Variants in MAP7 observed in about 807,000 individuals in gnomAD.
The protein encoded by MAP7 is microtubule associated protein 7, also known as ensconsin.
A neutral mutation model predicts 94.8 loss-of-function variants in MAP7; 52 were observed. The observed-to-expected ratio is 0.55, with a 90% CI of 0.44 to 0.69. The LOEUF (loss-of-function observed/expected upper bound fraction) is 0.69. Among genes scored for constraint, MAP7 ranks in the 30% least tolerant of loss-of-function variants. MAP7 has a pLI of 0.00. For missense variants in MAP7, 940 were observed against 964.6 expected (o/e 0.97, Z 0.34); for synonymous variants, 350 against 357.0 (o/e 0.98, Z 0.22).
chr6:136,400,220 TC>T (rs1783680749), intron 3 of MAP7, among the ~76,000 whole-genome samples: 1 of 151,952 alleles, frequency 6.6e-6, no homozygotes, highest in Admixed American at 6.6e-5. Context: ...ATCGAGACCA[TC>T]CTGGCTAACA....
chr6:136,419,545 T>C (rs999606483), intron 2 of MAP7, among the ~76,000 whole-genome samples: 4 of 152,168 alleles, frequency 2.6e-5, no homozygotes, highest in African/African-American at 9.6e-5. Context: ...CCTCTTTTTA[T>C]AGTATAAAGA....
intron 1 of MAP7, 87 bp from the exon 2 acceptor site, chr6:136,421,886 A>G: frequency 1.0e-6 from 1 of 977,870 alleles, no homozygotes; most frequent in Non-Finnish European, 1.5e-6. Context: ...TTTACTGTTA[A>G]CCTATGTACC....
chr6:136,381,942 T>C (rs1484806608), intron 6 of MAP7, among the ~76,000 whole-genome samples: 2 of 128,694 alleles, frequency 1.6e-5, no homozygotes, highest in Non-Finnish European at 3.3e-5. Flanking sequence ...AGAGAATGCA[T>C]GGAGTCAGAG....
At chr6:136,386,078 T>C (rs1345192218) in intron 5 of MAP7, among the ~76,000 whole-genome samples, 1 of 152,142 alleles carries the variant, frequency 6.6e-6, no homozygotes, top group African/African-American at 2.4e-5. Flanking sequence ...GCTGATCGTA[T>C]CAAGTTTTAC....
intron 1 of MAP7, among the ~76,000 whole-genome samples, chr6:136,534,229 C>T (rs1366558200): frequency 6.6e-6 from 1 of 152,140 alleles, no homozygotes. Flanking sequence ...ATGGCTGCTG[C>T]CACTGTGGGG....
intron 1 of MAP7, chr6:136,526,315 C>A (rs1827868369): frequency 2.0e-6 from 2 of 1,013,430 alleles, no homozygotes; most frequent in South Asian, 4.2e-5. Flanking sequence ...TCCAGAAAAG[C>A]CCTACTACAG....
intron 1 of MAP7, among the ~76,000 whole-genome samples, chr6:136,429,863 A>G (rs1177745228): frequency 6.6e-6 from 1 of 152,238 alleles, no homozygotes; most frequent in Non-Finnish European, 1.5e-5. Flanking sequence ...TTGCGTTAAT[A>G]TAAATCAGAT....
At chr6:136,447,238 C>T (rs1049451397) in intron 1 of MAP7, among the ~76,000 whole-genome samples, 1 of 152,158 alleles carries the variant, frequency 6.6e-6, no homozygotes, top group Admixed American at 6.5e-5. Context: ...AATTACTTTT[C>T]AGTGTTAGTA....
At chr6:136,480,911 C>G (rs757382642) in intron 1 of MAP7, among the ~76,000 whole-genome samples, 1 of 152,094 alleles carries the variant, frequency 6.6e-6, no homozygotes, top group Non-Finnish European at 1.5e-5. Flanking sequence ...GGAGCACAAA[C>G]AGCTCTATAG....
chr6:136,502,899 G>T (rs868320506), intron 1 of MAP7, among the ~76,000 whole-genome samples: 2 of 151,972 alleles, frequency 1.3e-5, no homozygotes, highest in African/African-American at 2.4e-5. Flanking sequence ...CATGATATAT[G>T]GCTGAGCTGA....
chr6:136,495,910 A>G (rs1316011421), intron 1 of MAP7, among the ~76,000 whole-genome samples: 2 of 152,250 alleles, frequency 1.3e-5, no homozygotes, highest in African/African-American at 4.8e-5. Context: ...TGGAAAAAGA[A>G]GATATTAATA....
chr6:136,449,163 C>T (rs934163754), intron 1 of MAP7, among the ~76,000 whole-genome samples: 2 of 152,006 alleles, frequency 1.3e-5, no homozygotes, highest in Admixed American at 6.6e-5. Flanking sequence ...GGCATGGTGG[C>T]GGGCGCCTGT....
intron 1 of MAP7, among the ~76,000 whole-genome samples, chr6:136,481,003 T>C (rs1311614092): frequency 6.6e-6 from 1 of 152,106 alleles, no homozygotes; most frequent in Non-Finnish European, 1.5e-5. Context: ...AAATGTCAAA[T>C]AGGTATATGA....
At chr6:136,372,377 A>G in intron 8 of MAP7, 124 bp downstream of exon 8, 1 of 1,116,352 alleles carries the variant, frequency 9.0e-7, no homozygotes, top group East Asian at 2.6e-5. Flanking sequence ...AATGGGAAAG[A>G]TGGGATGGTG....
chr6:136,534,250 G>A (rs1184610827), intron 1 of MAP7, among the ~76,000 whole-genome samples: 4 of 152,218 alleles, frequency 2.6e-5, no homozygotes, highest in African/African-American at 9.6e-5. Flanking sequence ...ACAAACAAGT[G>A]TGAAATCTGT....
rs961732493 is a variant in MAP7, at chr6:136,420,068, C to A, written c.166+1633G>T. On this transcript the variant is annotated intron_variant, in intron 2 of 17. Coordinates refer to ENST00000354570, the MANE Select transcript of MAP7 (RefSeq NM_003980.6). ...AAAGCCTTCTGAGCTCGATTAATTA[C>A]AATGGAGGGGTCAGTCTCCAACTTA... is the stretch of plus-strand genomic sequence containing the variant. 2.1e-5 allele frequency: 18 copies of A among 839,724 alleles called. No individual in the cohort carries two copies. The South Asian group carries it at 2.2e-4, about 10-fold the overall frequency. The allele number at this position is 839,724 out of a possible 1,614,324, so 52.0% of individuals were successfully genotyped here. A position where few individuals can be genotyped will look rare whatever the true frequency, so the allele number is the denominator to read the frequency against.
intron 8 of MAP7, 89 bp downstream of exon 8, chr6:136,372,412 G>A (rs887617605): frequency 2.3e-5 from 34 of 1,472,878 alleles, no homozygotes; most frequent in African/African-American, 6.9e-5. Context: ...CCCCTCTTAC[G>A]CCCACACCAC....
At chr6:136,498,208 G>C (rs1818854498) in intron 1 of MAP7, among the ~76,000 whole-genome samples, 1 of 152,048 alleles carries the variant, frequency 6.6e-6, no homozygotes, top group African/African-American at 2.4e-5. Flanking sequence ...CAGATACAAA[G>C]AAAGAATCCT....
At chr6:136,388,308 G>T in intron 5 of MAP7, 85 bp downstream of exon 5, 3 of 997,266 alleles carry the variant, frequency 3.0e-6, no homozygotes, top group Non-Finnish European at 4.5e-6. Flanking sequence ...TTTTTGTTTC[G>T]CAAACATAGA....
Sources: allele counts gnomAD v4.1 joint callset (sites outside exome capture counted in the v4.1 genomes callset), GRCh38; gene constraint gnomAD v4.1.1; transcripts MANE v1.5; gene names NCBI Gene and HGNC (gene_info 2026-07-23, HGNC 2026-07-21).